Variants in DOCK4 observed in about 807,000 individuals in gnomAD.
DOCK4 encodes the protein dedicator of cytokinesis 4.
In DOCK4, 97 loss-of-function variants were observed where a neutral mutation model predicts 268.1. The ratio of observed to expected loss-of-function variants is 0.36; its 90% confidence interval spans 0.31 to 0.43. DOCK4 has a LOEUF of 0.43. DOCK4 is among the 20% of genes least tolerant of loss of function. DOCK4 has a pLI of 1.00. For missense variants in DOCK4, 2,145 were observed against 2,455.7 expected, an observed-to-expected ratio of 0.87 and a Z score of 2.67; for synonymous variants, 954 against 887.2, an observed-to-expected ratio of 1.08 and a Z score of -1.34.
At chr7:112,147,800 T>TTTA (rs1411974223) in intron 1 of DOCK4, among the ~76,000 whole-genome samples, 1 of 31,242 alleles carries the variant, frequency 3.2e-5, no homozygotes, top group African/African-American at 1.6e-4. Context: ...CGTAGATTTT[T>TTTA]TTTTTTTTTT....
chr7:111,909,056 T>A (rs1050256147), intron 13 of DOCK4, among the ~76,000 whole-genome samples: 3 of 152,210 alleles, frequency 2.0e-5, no homozygotes, highest in African/African-American at 7.2e-5. Context: ...GGTCAACTGG[T>A]ATTTCTGGTT....
chr7:112,152,604 T>G (rs1326318645), intron 1 of DOCK4, among the ~76,000 whole-genome samples: 5 of 152,178 alleles, frequency 3.3e-5, no homozygotes, highest in Admixed American at 3.3e-4. Context: ...AAAAACAAAC[T>G]CATCCACCAT....
chr7:112,079,860 T>C (rs1340408526), intron 1 of DOCK4, among the ~76,000 whole-genome samples: 1 of 152,222 alleles, frequency 6.6e-6, no homozygotes, highest in Non-Finnish European at 1.5e-5. Flanking sequence ...CATTATTTTC[T>C]ACAGCCCCCA....
At chr7:112,084,838 TG>T (rs936732801) in intron 1 of DOCK4, among the ~76,000 whole-genome samples, 1 of 152,108 alleles carries the variant, frequency 6.6e-6, no homozygotes, top group Non-Finnish European at 1.5e-5. Flanking sequence ...GGCTTTCTGC[TG>T]GGTGTTTTCA....
chr7:112,003,437 T>C (rs1223805400), intron 2 of DOCK4, among the ~76,000 whole-genome samples: 2 of 152,158 alleles, frequency 1.3e-5, no homozygotes, highest in Non-Finnish European at 2.9e-5. Flanking sequence ...AGAAATCTTT[T>C]TAAGGACTAG....
chr7:112,122,462 G>A (rs1196333330), intron 1 of DOCK4, among the ~76,000 whole-genome samples: 2 of 151,840 alleles, frequency 1.3e-5, no homozygotes, highest in Non-Finnish European at 2.9e-5. Flanking sequence ...ATACAGATGG[G>A]GTCTTCTTGT....
intron 11 of DOCK4, among the ~76,000 whole-genome samples, chr7:111,938,461 G>A (rs530255194): frequency 1.3e-5 from 2 of 152,204 alleles, no homozygotes; most frequent in Non-Finnish European, 2.9e-5. Flanking sequence ...CATGGAGGTA[G>A]CCAATGGTGT....
At chr7:111,996,906 C>T (rs1464739183) in intron 4 of DOCK4, among the ~76,000 whole-genome samples, 1 of 152,208 alleles carries the variant, frequency 6.6e-6, no homozygotes, top group African/African-American at 2.4e-5. Context: ...TCTTTGCTAG[C>T]ACAGCATTCT....
intron 1 of DOCK4, among the ~76,000 whole-genome samples, chr7:112,202,841 A>G (rs1300947607): frequency 6.6e-6 from 1 of 152,124 alleles, no homozygotes; most frequent in Non-Finnish European, 1.5e-5. Flanking sequence ...AACAAACAAA[A>G]TGCTTCAGTC....
chr7:112,058,099 G>A (rs1481242765), intron 1 of DOCK4, among the ~76,000 whole-genome samples: 3 of 137,032 alleles, frequency 2.2e-5, no homozygotes, highest in Non-Finnish European at 4.6e-5. Context: ...ATGGTGTAAA[G>A]TCAAAATGTT....
intron 1 of DOCK4, among the ~76,000 whole-genome samples, chr7:112,187,630 C>T (rs1819589188): frequency 6.6e-6 from 1 of 152,108 alleles, no homozygotes; most frequent in South Asian, 2.1e-4. Context: ...TCAGAAGCCA[C>T]CACTTCTCAG....
chr7:111,734,141 A>C (rs1795307002), intron 51 of DOCK4, among the ~76,000 whole-genome samples: 1 of 151,642 alleles, frequency 6.6e-6, no homozygotes, highest in Non-Finnish European at 1.5e-5. Context: ...GGGTTTTGCC[A>C]TGTTGTACAG....
intron 12 of DOCK4, among the ~76,000 whole-genome samples, chr7:111,927,589 T>A (rs935730234): frequency 2.0e-5 from 3 of 152,200 alleles, no homozygotes; most frequent in Non-Finnish European, 4.4e-5. Flanking sequence ...ATTTAGTGTA[T>A]CAACATTTCA....
intron 30 of DOCK4, among the ~76,000 whole-genome samples, chr7:111,801,214 G>A (rs574091745): frequency 1.0e-3 from 153 of 152,214 alleles, no homozygotes; most frequent in African/African-American, 3.1e-3. Flanking sequence ...GGTTTTTTGC[G>A]GACTGTGTGA....
Position 111,745,683 on chromosome 7 carries a change from T to TAAAAA in DOCK4, c.4677+646_4677+650dup, listed in dbSNP as rs781530065. 2.1e-3 allele frequency among the ~76,000 whole-genome samples: 102 copies of TAAAAA among 49,600 alleles called. 11 individuals carry two copies. Among genetic ancestry groups the TAAAAA allele is most frequent in the Non-Finnish European group, 2.6e-3 (78 of 30,542 alleles). The allele number at this position is 49,600 out of a possible 152,430, so 32.5% of individuals were successfully genotyped here. A position where few individuals can be genotyped will look rare whatever the true frequency, so the allele number is the denominator to read the frequency against. Reference sequence around the variant, plus strand: ...TGGGTGACAGAGGGAGACTCCGTCTTAAAAAAAAAAAAAAAAAAAAAAAAA... The same window carrying TAAAAA: ...TGGGTGACAGAGGGAGACTCCGTCTTAAAAAAAAAAAAAAAAAAAAAAAAAAAAAA... On this transcript the variant is annotated intron_variant, in intron 44 of 52. Coordinates refer to ENST00000428084, the MANE Select transcript of DOCK4 (RefSeq NM_001363540.2).
chr7:112,079,699 A>G (rs1287267412), intron 1 of DOCK4, among the ~76,000 whole-genome samples: 1 of 152,060 alleles, frequency 6.6e-6, no homozygotes, highest in Non-Finnish European at 1.5e-5. Flanking sequence ...CTAATCAACT[A>G]CTCTGTGCTT....
At chr7:112,052,803 T>A (rs1805478595) in intron 1 of DOCK4, among the ~76,000 whole-genome samples, 1 of 152,172 alleles carries the variant, frequency 6.6e-6, no homozygotes, top group Non-Finnish European at 1.5e-5. Flanking sequence ...ATATCATTAT[T>A]AAACTCTTAA....
intron 1 of DOCK4, among the ~76,000 whole-genome samples, chr7:112,073,979 G>A (rs1381078711): frequency 6.6e-6 from 1 of 151,910 alleles, no homozygotes; most frequent in East Asian, 1.9e-4. Context: ...ATCTATACAC[G>A]AATCAAAATA....
At chr7:112,148,492 C>T (rs1031842280) in intron 1 of DOCK4, among the ~76,000 whole-genome samples, 6 of 152,088 alleles carry the variant, frequency 3.9e-5, no homozygotes, top group African/African-American at 9.7e-5. Flanking sequence ...CTGATAGAGT[C>T]GTTTTGTGCT....
Sources: allele counts gnomAD v4.1 joint callset (sites outside exome capture counted in the v4.1 genomes callset), GRCh38; gene constraint gnomAD v4.1.1; transcripts MANE v1.5; gene names NCBI Gene and HGNC (gene_info 2026-07-23, HGNC 2026-07-21).